The following SCN4A variants were observed in gnomAD, a reference collection of about 807,000 sequenced individuals.
The protein encoded by SCN4A is sodium voltage-gated channel alpha subunit 4.
SCN4A carries 83 observed loss-of-function variants against 162.0 expected under a neutral mutation model. That is an observed-to-expected ratio of 0.51 (90% CI 0.43 to 0.61). The LOEUF is 0.61. SCN4A is among the 20% of genes least tolerant of loss of function. The pLI, the probability that SCN4A is intolerant of heterozygous loss-of-function variation, is 0.00. For missense variants in SCN4A, 2,196 were observed against 2,462.5 expected (o/e 0.89, Z 2.29); for synonymous variants, 944 against 985.1 (o/e 0.96, Z 0.78).
intron 13 of SCN4A, among the ~76,000 whole-genome samples, chr17:63,952,198 CTTTTTTTTT>C (rs566410650): frequency 1.4e-5 from 2 of 144,688 alleles, no homozygotes; most frequent in East Asian, 2.0e-4. Flanking sequence ...CCTTTTTTTT[CTTTTTTTTT>C]TTTCGAGATG....
chr17:63,944,826 G>A lies in SCN4A; in HGVS notation c.3775-16C>T, dbSNP rs1908660000. 8 of 1,612,656 alleles carry A rather than the reference G, an allele frequency of 5.0e-6. No homozygotes were observed. The highest frequency in any genetic ancestry group is 6.8e-6 in the Non-Finnish European group (8 of 1,179,168). On this transcript the variant is annotated splice_polypyrimidine_tract_variant and intron_variant, in intron 20 of 23. Coordinates refer to ENST00000435607, the MANE Select transcript of SCN4A (RefSeq NM_000334.4). This position sits in a 1 kb window ranked among gnomAD's most constrained non-coding sequence, Gnocchi z 4.3. ...GCTCCTCCTTCTGTGGGAGCCACAG[G>A]GTGGGACGGCGTGGGTTTGCACGCT...
Position 63,944,994 on chromosome 17 carries a change from G to A in SCN4A, c.3774+13C>T, listed in dbSNP as rs1281020771. On this transcript the variant is annotated intron_variant, in intron 20 of 23. Transcript: ENST00000435607. This position sits in a 1 kb window ranked among gnomAD's most constrained non-coding sequence, Gnocchi z 4.3. ...GCTCGCTCACCAGCCACATCTCAGCGACCCCGACTCACCTCCCGGGAGTCC... is the reference window on the plus strand; with the variant it reads ...GCTCGCTCACCAGCCACATCTCAGCAACCCCGACTCACCTCCCGGGAGTCC... 14 of 1,613,130 alleles carry A rather than the reference G, an allele frequency of 8.7e-6. No individual in the cohort carries two copies. The highest frequency in any genetic ancestry group is 2.2e-5 in the South Asian group (2 of 91,012).
Position 63,966,233 on chromosome 17 carries a change from C to G in SCN4A, c.1111G>C (p.Glu371Gln). ...GNSSDAGHCP[E>Q]GYECIKTGRN... ...CCGGTCTTGATGCACTCATAACCCT[C>G]AGGGCAGTGCCTAGGAATAGGACAG... Residue 371 changes from glutamate to glutamine, a missense_variant, in exon 8 of 24, where the codon GAG becomes CAG. By Grantham distance (29) the Glu-to-Gln change is conservative. Transcript: ENST00000435607. 1 of 1,604,406 alleles carries G rather than the reference C, an allele frequency of 6.2e-7. No homozygotes were observed. The highest frequency in any genetic ancestry group is 2.2e-5 in the East Asian group (1 of 44,572).
At chr17:63,952,130 G>C (rs79274485) in intron 13 of SCN4A, among the ~76,000 whole-genome samples, 158 of 152,292 alleles carry the variant, frequency 1.0e-3, no homozygotes, top group African/African-American at 3.7e-3. Flanking sequence ...CTGCTACCCA[G>C]GGCAGAGGCA....
Position 63,964,813 on chromosome 17 carries a change from G to A in SCN4A, c.1243-136C>T, listed in dbSNP as rs529564375. ...CACAGAGCCTGGGGGACTGATGGCC[G>A]TCATTGGCATGCTGAGCCATGTTCT... On this transcript the variant is annotated intron_variant, in intron 8 of 23. Transcript: ENST00000435607. 162 of 667,102 alleles carry A rather than the reference G, an allele frequency of 2.4e-4. 1 individual carries two copies. The highest frequency in any genetic ancestry group is 1.4e-3 in the Admixed American group (50 of 36,822). The allele number at this position is 667,102 out of a possible 1,614,324, so 41.3% of individuals were successfully genotyped here.
At chr17:63,953,685 GAA>G (rs55829860) in intron 13 of SCN4A, among the ~76,000 whole-genome samples, 3 of 130,306 alleles carry the variant, frequency 2.3e-5, no homozygotes, top group Non-Finnish European at 1.6e-5. Context: ...CTGCCTTGAA[GAA>G]AAAAAAAAAA....
At chr17:63,967,383 C>A (rs1055046355) in intron 6 of SCN4A, among the ~76,000 whole-genome samples, 1 of 151,994 alleles carries the variant, frequency 6.6e-6, no homozygotes, top group African/African-American at 2.4e-5. Context: ...GAACTCCTGA[C>A]CTCAGGTGAT....
Position 63,968,012 on chromosome 17 carries a change from C to T in SCN4A, c.1036+11G>A, listed in dbSNP as rs749686973. On this transcript the variant is annotated intron_variant, in intron 6 of 23. Transcript: ENST00000435607. Reference sequence around the variant, plus strand: ...AGGATCCCCCTTGCCCGTCACCCTCCCCATTCTTACCTTCATCACTGATGT... The same window carrying T: ...AGGATCCCCCTTGCCCGTCACCCTCTCCATTCTTACCTTCATCACTGATGT... 55 of 1,610,724 alleles carry T rather than the reference C, an allele frequency of 3.4e-5. 2 individuals are homozygous for T. In the South Asian group the frequency reaches 6.0e-4, roughly 18 times the overall value.
Position 63,945,814 on chromosome 17 carries a change from G to C in SCN4A, c.3442-176C>G, listed in dbSNP as rs1255243186. ...TGCAGGTTGGGGGTGGTAAGGGGGA[G>C]GGGGAGGGAGCTGCAGGCCTGGTGG... On this transcript the variant is annotated intron_variant, in intron 18 of 23. Transcript: ENST00000435607. This position sits in a 1 kb window ranked among gnomAD's most constrained non-coding sequence, Gnocchi z 4.4. 6.6e-6 allele frequency among the ~76,000 whole-genome samples: 1 copy of C among 151,930 alleles called. No individual in the cohort carries two copies. The highest frequency in any genetic ancestry group is 1.5e-5 in the Non-Finnish European group (1 of 67,942).
At position 63,944,581 on chromosome 17, in the gene SCN4A, G is replaced by A. The variant is rs1051798011; in HGVS notation, c.3912+92C>T. 1 of 1,405,114 alleles carries A rather than the reference G, an allele frequency of 7.1e-7. No individual in the cohort carries two copies. Among genetic ancestry groups the A allele is most frequent in the East Asian group, 2.5e-5 (1 of 39,970 alleles). The allele number at this position is 1,405,114 out of a possible 1,614,324, so 87.0% of individuals were successfully genotyped here. On this transcript the variant is annotated intron_variant, in intron 21 of 23. Coordinates refer to ENST00000435607, the MANE Select transcript of SCN4A (RefSeq NM_000334.4). The surrounding 1 kb of genome is among the most constrained non-coding windows in gnomAD (Gnocchi z 4.3). ...CAACAACCTGGTAGGTGCTCAGGCAGCGTTTGTGGGTTTGTGCAATGGAGA... is the reference window on the plus strand; with the variant it reads ...CAACAACCTGGTAGGTGCTCAGGCAACGTTTGTGGGTTTGTGCAATGGAGA...
chr17:63,962,399 A>G (rs916442928), intron 10 of SCN4A, among the ~76,000 whole-genome samples: 2 of 152,182 alleles, frequency 1.3e-5, no homozygotes, highest in Admixed American at 1.3e-4. Context: ...CAAAGCCACG[A>G]GTGCTTTGTA....
chr17:63,946,562 T>C (rs1411480369), intron 18 of SCN4A, among the ~76,000 whole-genome samples: 1 of 146,050 alleles, frequency 6.8e-6, no homozygotes, highest in Non-Finnish European at 1.5e-5. Flanking sequence ...CTCAAGGGCA[T>C]GGCCCCAACC....
chr17:63,972,246 G>A lies in SCN4A; in HGVS notation c.393-21C>T. ...ACAGCGTGGGGCAGGGTCAAGGAAAGTGAGGAAGCAGCTAGGATGGGAGGT... is the reference window on the plus strand; with the variant it reads ...ACAGCGTGGGGCAGGGTCAAGGAAAATGAGGAAGCAGCTAGGATGGGAGGT... On this transcript the variant is annotated intron_variant, in intron 2 of 23. Coordinates refer to ENST00000435607, the MANE Select transcript of SCN4A (RefSeq NM_000334.4). This position sits in a 1 kb window ranked among gnomAD's most constrained non-coding sequence, Gnocchi z 4.3. The A allele has an allele frequency of 1.2e-6, 2 of 1,610,200 alleles. No individual in the cohort carries two copies. Among genetic ancestry groups the A allele is most frequent in the Non-Finnish European group, 1.7e-6 (2 of 1,177,414 alleles).
Position 63,972,638 on chromosome 17 carries a change from G to A in SCN4A, c.204C>T (p.Tyr68=), listed in dbSNP as rs80266947. ...LEAGKNLPMI[Y]GDPPPEVIGI... is the part of the protein sequence containing the mutation. Reference sequence around the variant, plus strand: ...CGATGACCTCCGGCGGGGGGTCTCCGTAGATCATGGGTAGGTTCTTGCCAG... The same window carrying A: ...CGATGACCTCCGGCGGGGGGTCTCCATAGATCATGGGTAGGTTCTTGCCAG... Residue 68 remains tyrosine (Y), a synonymous_variant, in exon 1 of 24, where the codon TAC becomes TAT. Coordinates refer to ENST00000435607, the MANE Select transcript of SCN4A (RefSeq NM_000334.4). This position sits in a 1 kb window ranked among gnomAD's most constrained non-coding sequence, Gnocchi z 4.3. 56 of 1,610,816 alleles carry A rather than the reference G, an allele frequency of 3.5e-5. No homozygotes were observed. The East Asian group carries it at 8.7e-4, about 25-fold the overall frequency.
At chr17:63,958,014 A>G (rs535584656) in intron 12 of SCN4A, among the ~76,000 whole-genome samples, 68 of 150,766 alleles carry the variant, frequency 4.5e-4, no homozygotes, top group Non-Finnish European at 6.9e-4. Context: ...AAAAAAAAAA[A>G]AAAAAGAAAA....
chr17:63,942,570 G>C (rs112472383), intron 23 of SCN4A, among the ~76,000 whole-genome samples: 1 of 152,210 alleles, frequency 6.6e-6, no homozygotes, highest in Non-Finnish European at 1.5e-5. Context: ...TACACTTTTC[G>C]CTCAGTATGT....
chr17:63,961,380 T>G lies in SCN4A; in HGVS notation c.1658A>C (p.His553Pro). ...GCAGCAGTTCCATATGAGCACTTTG[T>G]GGGCGCACTTGTACCACCATGGTGG... ...KCPPWWYKCA[H>P]KVLIWNCCAP... Residue 553 changes from histidine (H) to proline (P), a missense_variant, in exon 11 of 24, where the codon CAC becomes CCC. Coordinates refer to ENST00000435607, the MANE Select transcript of SCN4A (RefSeq NM_000334.4). 6.2e-7 allele frequency: 1 copy of G among 1,613,854 alleles called. No individual in the cohort carries two copies. Among genetic ancestry groups the G allele is most frequent in the Non-Finnish European group, 8.5e-7 (1 of 1,179,790 alleles).
At chr17:63,949,646 C>T in intron 14 of SCN4A, 118 bp from the exon 15 acceptor site, 1 of 1,205,268 alleles carries the variant, frequency 8.3e-7, no homozygotes, top group South Asian at 1.6e-5. Context: ...GAGGAGCAAA[C>T]TCATCCATTC....
intron 9 of SCN4A, 43 bp downstream of exon 9, chr17:63,964,424 AG>A: frequency 1.3e-6 from 2 of 1,568,764 alleles, no homozygotes; most frequent in Non-Finnish European, 1.8e-6. Context: ...GGCTGAGGGC[AG>A]GTAGAACCCT....
Sources: gnomAD v4.1 joint callset for allele counts (sites outside exome capture counted in the v4.1 genomes callset) on GRCh38, gnomAD v4.1.1 for gene constraint, Gnocchi (gnomAD v3.1) non-coding constraint, MANE v1.5 for transcripts, NCBI Gene and HGNC (gene_info 2026-07-23, HGNC 2026-07-21) for gene names.